Variants in TENM1 observed in about 807,000 individuals in gnomAD.
TENM1 encodes the protein teneurin transmembrane protein 1.
In TENM1, 35 loss-of-function variants were observed where a neutral mutation model predicts 174.8. That is an observed-to-expected ratio of 0.20 (90% confidence interval 0.15 to 0.27). The LOEUF (loss-of-function observed/expected upper bound fraction) is 0.27, where lower values mean the gene tolerates loss of function less well. Among genes scored for constraint, TENM1 ranks in the 10% least tolerant of loss-of-function variants. The pLI, the probability that TENM1 is intolerant of heterozygous loss-of-function variation, is 1.00. For missense variants in TENM1, 1,633 were observed against 2,130.1 expected (o/e 0.77, Z 4.59); for synonymous variants, 781 against 798.7 (o/e 0.98, Z 0.37).
intron 1 of TENM1, among the ~76,000 whole-genome samples, chrX:124,909,572 G>C (rs1307701557): frequency 1.1e-4 from 12 of 111,898 alleles, no homozygotes; most frequent in African/African-American, 2.9e-4. Context: ...ATGCATTTTT[G>C]TACCTCCTTT....
chrX:124,378,937 C>T (rs2060128539), exon 32 of TENM1: 1 of 112,407 alleles, frequency 8.9e-6, no homozygotes, highest in African/African-American at 3.2e-5. Flanking sequence ...TGTTCAGATT[C>T]GGTGATGAAA....
Position 124,523,357 on chromosome X carries a change from T to C in TENM1, c.3033+7A>G. ...TATTTTATACATTCAAAGGCCAATA[T>C]ACTCACCTGCAGCTCAGGAACAATA... On this transcript the variant is annotated splice_region_variant and intron_variant, in intron 17 of 31. Transcript: ENST00000422452. 1 of 1,210,793 alleles carries C rather than the reference T, an allele frequency of 8.3e-7. No individual in the cohort carries two copies. The highest frequency in any genetic ancestry group is 1.1e-6 in the Non-Finnish European group (1 of 894,437).
intron 11 of TENM1, among the ~76,000 whole-genome samples, chrX:124,622,337 T>C (rs765836510): frequency 8.9e-6 from 1 of 112,043 alleles, no homozygotes; most frequent in Non-Finnish European, 1.9e-5. Context: ...TCCTCCAGTC[T>C]AGTGTCAACC....
At chrX:124,602,772 A>G in intron 11 of TENM1, among the ~76,000 whole-genome samples, 1 of 111,438 alleles carries the variant, frequency 9.0e-6, no homozygotes. Flanking sequence ...AGGATGTGGC[A>G]ACCTAAAAGA....
At chrX:124,474,046 C>T (rs1241790806) in intron 22 of TENM1, among the ~76,000 whole-genome samples, 2 of 110,939 alleles carry the variant, frequency 1.8e-5, no homozygotes, top group African/African-American at 3.3e-5. Context: ...TCTGTGGCAC[C>T]CATCCTACCT....
intron 17 of TENM1, among the ~76,000 whole-genome samples, chrX:124,521,814 G>A (rs1319102753): frequency 5.4e-5 from 6 of 111,459 alleles, no homozygotes; most frequent in Non-Finnish European, 1.1e-4. Flanking sequence ...TAAACATATG[G>A]CATCTCATAT....
chrX:124,467,633 T>C (rs1433202673), intron 22 of TENM1, among the ~76,000 whole-genome samples: 1 of 112,262 alleles, frequency 8.9e-6, no homozygotes, highest in Non-Finnish European at 1.9e-5. Context: ...ATGTTAAATA[T>C]TTTGACCATC....
At position 124,580,830 on chromosome X, in the gene TENM1, C is replaced by T. The variant is rs754548890; in HGVS notation, c.2078-15270G>A. ...GGTATGAATGATCCTGTAATCCAGG[C>T]ACTGAGCATACTACCCAACAGCTAG... On this transcript the variant is annotated intron_variant, in intron 11 of 31. Coordinates refer to ENST00000422452, the Ensembl canonical transcript of TENM1. 6.3e-5 allele frequency among the ~76,000 whole-genome samples: 7 copies of T among 110,285 alleles called. No individual in the cohort carries two copies. In the South Asian group the frequency reaches 1.2e-3, roughly 19 times the overall value.
chrX:124,390,529 C>A (rs1272380374), intron 28 of TENM1, among the ~76,000 whole-genome samples: 2 of 111,606 alleles, frequency 1.8e-5, no homozygotes, highest in African/African-American at 6.5e-5. Context: ...GACTCTGGTG[C>A]CAATGAGGTT....
intron 5 of TENM1, among the ~76,000 whole-genome samples, chrX:124,682,769 G>A (rs1293078641): frequency 9.1e-6 from 1 of 110,007 alleles, no homozygotes; most frequent in Non-Finnish European, 1.9e-5. Flanking sequence ...CAAATTGAAG[G>A]ACATTAAAAA....
chrX:124,941,486 ACT>A (rs2058325446), intron 1 of TENM1, among the ~76,000 whole-genome samples: 1 of 110,780 alleles, frequency 9.0e-6, no homozygotes, highest in African/African-American at 3.3e-5. Flanking sequence ...TATGTTTTCT[ACT>A]CTGTACATGC....
At chrX:124,672,835 A>G in intron 5 of TENM1, among the ~76,000 whole-genome samples, 1 of 111,842 alleles carries the variant, frequency 8.9e-6, no homozygotes, top group East Asian at 2.8e-4. Flanking sequence ...AACATTATAA[A>G]TAGTGTGATC....
chrX:124,900,368 C>T (rs913996708), intron 1 of TENM1, among the ~76,000 whole-genome samples: 2 of 111,498 alleles, frequency 1.8e-5, no homozygotes, highest in African/African-American at 3.3e-5. Flanking sequence ...AAAGCCAATA[C>T]GTGGTTGCCT....
intron 11 of TENM1, among the ~76,000 whole-genome samples, chrX:124,585,599 T>C (rs1302901082): frequency 9.0e-6 from 1 of 110,846 alleles, no homozygotes; most frequent in African/African-American, 3.3e-5. Flanking sequence ...GATCTAAAAT[T>C]GACACCCTAA....
the TENM1 span, among the ~76,000 whole-genome samples, chrX:125,021,929 AC>A: frequency 8.9e-6 from 1 of 112,872 alleles, no homozygotes; most frequent in East Asian, 2.8e-4. Context: ...GTCCCATAAT[AC>A]TTTTAAGTGT....
intron 15 of TENM1, among the ~76,000 whole-genome samples, chrX:124,544,559 T>C (rs1461658307): frequency 1.1e-4 from 12 of 112,636 alleles, no homozygotes; most frequent in African/African-American, 3.5e-4. Context: ...AATTGTGATC[T>C]ACAAAGAAAA....
intron 14 of TENM1, among the ~76,000 whole-genome samples, chrX:124,555,238 C>T (rs1371435913): frequency 3.6e-5 from 4 of 111,721 alleles, no homozygotes; most frequent in Non-Finnish European, 7.5e-5. Context: ...TAGTACATTT[C>T]CACCTCAGGG....
chrX:124,795,628 AGT>A (rs2055287305), intron 3 of TENM1, among the ~76,000 whole-genome samples: 1 of 111,465 alleles, frequency 9.0e-6, no homozygotes. Context: ...CTATTGAAGT[AGT>A]AAGTTCAGTC....
chrX:125,167,357 G>A, the TENM1 span, among the ~76,000 whole-genome samples: 1 of 111,053 alleles, frequency 9.0e-6, no homozygotes, highest in Non-Finnish European at 1.9e-5. Flanking sequence ...GTACATTTTA[G>A]GGACAACAAC....
Sources: allele counts gnomAD v4.1 joint callset (sites outside exome capture counted in the v4.1 genomes callset), GRCh38; gene constraint gnomAD v4.1.1; transcripts MANE v1.5; gene names NCBI Gene and HGNC (gene_info 2026-07-23, HGNC 2026-07-21).